The following AQR variants were observed in gnomAD, a reference collection of about 807,000 sequenced individuals.
The protein encoded by AQR is aquarius intron-binding spliceosomal factor, also known as RNA helicase aquarius.
A neutral mutation model predicts 180.5 loss-of-function variants in AQR; 61 were observed. The ratio of observed to expected loss-of-function variants is 0.34; its 90% CI spans 0.28 to 0.42. The LOEUF is 0.42. Ranked by LOEUF, AQR falls within the 10% of genes least tolerant of loss-of-function variation. The pLI is 1.00. For missense variants in AQR, 1,281 were observed against 1,798.3 expected (o/e 0.71, Z 5.20); for synonymous variants, 551 against 588.8 (o/e 0.94, Z 0.93).
intron 34 of AQR, among the ~76,000 whole-genome samples, chr15:34,859,349 C>T (rs554410420): frequency 6.6e-6 from 1 of 152,214 alleles, no homozygotes; most frequent in African/African-American, 2.4e-5. Context: ...ATACTGAGAC[C>T]ACTGTATATC....
intron 5 of AQR, among the ~76,000 whole-genome samples, chr15:34,946,610 C>A (rs1316527842): frequency 1.0e-4 from 15 of 146,708 alleles, no homozygotes; most frequent in Admixed American, 1.0e-3. Context: ...CGGCCAGCCG[C>A]CCCATCCGGG....
intron 21 of AQR, 114 bp from the exon 22 acceptor site, chr15:34,897,080 T>C (rs1595789973): frequency 1.3e-6 from 1 of 754,550 alleles, no homozygotes; most frequent in East Asian, 2.7e-5. Context: ...ACCCCAGTTC[T>C]CTCAATCTCT....
chr15:34,957,102 C>T (rs1395196439), intron 3 of AQR, among the ~76,000 whole-genome samples: 1 of 152,134 alleles, frequency 6.6e-6, no homozygotes, highest in Non-Finnish European at 1.5e-5. Context: ...GCCGTGAGCA[C>T]ATAGCTCAGC....
intron 22 of AQR, among the ~76,000 whole-genome samples, chr15:34,894,868 T>C (rs1893208053): frequency 6.6e-6 from 1 of 151,542 alleles, no homozygotes; most frequent in Admixed American, 6.6e-5. Context: ...AAAAATATAA[T>C]GAAAGAATAT....
In AQR at chr15:34,904,303, C is replaced by A. The variant is rs370774358; in HGVS notation, c.2001+33G>T. 23 of 1,473,366 alleles carry A rather than the reference C, an allele frequency of 1.6e-5. No homozygotes were observed. The East Asian group carries it at 4.3e-4, about 27-fold the overall frequency. The allele number at this position is 1,473,366 out of a possible 1,614,324, so 91.3% of individuals were successfully genotyped here. On this transcript the variant is annotated intron_variant, in intron 19 of 34. Transcript: ENST00000156471. ...GTCATAAAAGTTACTTAAATTATGA[C>A]ATAGTACTTTTAGTTACATACCCCC... is the stretch of plus-strand genomic sequence containing the variant.
At chr15:34,873,217 A>G (rs909666568) in intron 30 of AQR, among the ~76,000 whole-genome samples, 2 of 152,068 alleles carry the variant, frequency 1.3e-5, no homozygotes, top group Non-Finnish European at 2.9e-5. Flanking sequence ...AAACTTGCCC[A>G]ATTATTTTTT....
intron 34 of AQR, among the ~76,000 whole-genome samples, chr15:34,858,914 A>G (rs1485627448): frequency 1.3e-5 from 2 of 152,218 alleles, no homozygotes; most frequent in Admixed American, 6.5e-5. Flanking sequence ...TCCTACCTGT[A>G]TCATATAAAA....
intron 12 of AQR, among the ~76,000 whole-genome samples, chr15:34,927,685 T>C (rs1566991095): frequency 6.6e-6 from 1 of 152,086 alleles, no homozygotes; most frequent in Non-Finnish European, 1.5e-5. Flanking sequence ...CTAGTCTTCC[T>C]TGGGATTTAA....
intron 9 of AQR, among the ~76,000 whole-genome samples, chr15:34,938,497 C>A (rs1566993204): frequency 6.6e-6 from 1 of 152,150 alleles, no homozygotes; most frequent in Non-Finnish European, 1.5e-5. Flanking sequence ...CATGCCACTG[C>A]ACTCTAGCCT....
intron 10 of AQR, 146 bp downstream of exon 10, chr15:34,934,422 CATT>C (rs1893915554): frequency 3.1e-6 from 1 of 320,238 alleles, no homozygotes; most frequent in Middle Eastern, 1.0e-3. Context: ...TCCTTTCTCT[CATT>C]AATGTGAGAA....
intron 25 of AQR, among the ~76,000 whole-genome samples, chr15:34,885,926 T>C (rs1893053378): frequency 6.6e-6 from 1 of 152,178 alleles, no homozygotes; most frequent in Admixed American, 6.5e-5. Context: ...TATGTCCTAG[T>C]CCATTTAAAA....
rs1449828637 is a variant in AQR at position 34,948,401 on chromosome 15, G to C, written c.210-17C>G. On this transcript the variant is annotated splice_polypyrimidine_tract_variant and intron_variant, in intron 4 of 34. Coordinates refer to ENST00000156471, the MANE Select transcript of AQR (RefSeq NM_014691.3). ...AGATACTGGCTGTAAAGAGTAAAAAGCATAGAATACTTCATTAGTTACCAC... is the reference window on the plus strand; with the variant it reads ...AGATACTGGCTGTAAAGAGTAAAAACCATAGAATACTTCATTAGTTACCAC... The C allele has an allele frequency of 8.7e-6, 14 of 1,608,912 alleles. No homozygotes were observed. Among genetic ancestry groups the C allele is most frequent in the Admixed American group, 1.7e-5 (1 of 59,832 alleles).
intron 16 of AQR, among the ~76,000 whole-genome samples, chr15:34,913,446 C>A (rs936794610): frequency 6.6e-6 from 1 of 151,760 alleles, no homozygotes; most frequent in South Asian, 2.1e-4. Context: ...TTTTAGGTTT[C>A]GACATTTTTA....
rs564319625 is a variant in AQR at position 34,893,765 on chromosome 15, G to A, written c.2469C>T (p.Gly823=). 3.7e-6 allele frequency: 6 copies of A among 1,613,980 alleles called. No individual in the cohort carries two copies. The Admixed American group carries it at 8.3e-5, about 22-fold the overall frequency. ...GMQPGLTMVV[G]PPGTGKTDVA... ...CATCTGTTTTGCCTGTACCAGGTGG[G>A]CCCACAACCTAAAAAGAAGATGAAC... Residue 823 remains glycine, a synonymous_variant, in exon 23 of 35, where the codon GGC becomes GGT. Transcript: ENST00000156471.
At position 34,893,778 on chromosome 15, in the gene AQR, AAAG is replaced by A. The variant is rs781270025; in HGVS notation, c.2461-8_2461-6del. The A allele has an allele frequency of 1.9e-6, 3 of 1,612,870 alleles. No individual in the cohort carries two copies. The highest frequency in any genetic ancestry group is 1.1e-5 in the South Asian group (1 of 91,052). ...TGTACCAGGTGGGCCCACAACCTAA[AAAG>A]AAGATGAACACATAGCAAACTACTA... On this transcript the variant is annotated splice_polypyrimidine_tract_variant and splice_region_variant and intron_variant, in intron 22 of 34. Coordinates refer to ENST00000156471, the MANE Select transcript of AQR (RefSeq NM_014691.3).
chr15:34,891,856 T>C (rs1010913034), intron 23 of AQR, among the ~76,000 whole-genome samples: 2 of 152,158 alleles, frequency 1.3e-5, no homozygotes, highest in Non-Finnish European at 1.5e-5. Context: ...ATATGTTATG[T>C]AATATGTTAT....
intron 27 of AQR, among the ~76,000 whole-genome samples, chr15:34,879,083 C>T (rs535750894): frequency 1.8e-3 from 275 of 152,014 alleles, no homozygotes; most frequent in Middle Eastern, 0.01. Context: ...TGGTAGACTT[C>T]TGTTAAAAGG....
At chr15:34,904,307 G>A in intron 19 of AQR, 29 bp downstream of exon 19, 3 of 1,486,072 alleles carry the variant, frequency 2.0e-6, no homozygotes, top group African/African-American at 2.8e-5. Flanking sequence ...TTATGACATA[G>A]TACTTTTAGT....
At chr15:34,955,452 C>T (rs986788362) in intron 3 of AQR, among the ~76,000 whole-genome samples, 5 of 152,152 alleles carry the variant, frequency 3.3e-5, no homozygotes, top group Non-Finnish European at 1.5e-5. Context: ...ATGTGAAATA[C>T]GAGGTCTGGA....
Sources: allele counts gnomAD v4.1 joint callset (sites outside exome capture counted in the v4.1 genomes callset), GRCh38; gene constraint gnomAD v4.1.1; transcripts MANE v1.5; gene names NCBI Gene and HGNC (gene_info 2026-07-23, HGNC 2026-07-21).